The following NDST4 variants were observed in gnomAD, a reference collection of about 807,000 sequenced individuals.
NDST4 encodes the protein N-deacetylase and N-sulfotransferase 4.
NDST4 carries 63 observed loss-of-function variants against 100.8 expected under a neutral mutation model. The ratio of observed to expected loss-of-function variants is 0.62; its 90% CI spans 0.51 to 0.77. The LOEUF is 0.77. NDST4 is among the 30% of genes least tolerant of loss of function. The probability of loss-of-function intolerance (pLI) is 0.00; values close to 1 mark genes in which losing one functional copy is unlikely to be tolerated. For synonymous variants in NDST4, 377 were observed against 361.8 expected (o/e 1.04, Z -0.48); for missense variants, 943 against 1,018.4 (o/e 0.93, Z 1.01).
At chr4:114,958,623 C>T (rs1560830850) in intron 4 of NDST4, among the ~76,000 whole-genome samples, 2 of 152,256 alleles carry the variant, frequency 1.3e-5, no homozygotes, top group African/African-American at 2.4e-5. Flanking sequence ...AGCAGCAAGG[C>T]CCTGGTTCCA....
chr4:114,988,148 T>G (rs1196142280), intron 2 of NDST4, among the ~76,000 whole-genome samples: 3 of 151,972 alleles, frequency 2.0e-5, no homozygotes, highest in Admixed American at 6.6e-5. Flanking sequence ...ATTATAATTT[T>G]GATAAATATT....
intron 2 of NDST4, among the ~76,000 whole-genome samples, chr4:115,011,463 AT>A (rs569090018): frequency 0.061 from 8,753 of 144,098 alleles, 762 homozygotes; most frequent in African/African-American, 0.2. Flanking sequence ...AGGCATCACT[AT>A]TTTTTTTTTT....
At chr4:114,986,584 C>A (rs1726905964) in intron 2 of NDST4, among the ~76,000 whole-genome samples, 2 of 151,842 alleles carry the variant, frequency 1.3e-5, no homozygotes, top group African/African-American at 2.4e-5. Flanking sequence ...TATTTCAGTT[C>A]ATAAAGATCA....
chr4:115,004,209 C>A (rs1727362312), intron 2 of NDST4, among the ~76,000 whole-genome samples: 1 of 152,086 alleles, frequency 6.6e-6, no homozygotes, highest in African/African-American at 2.4e-5. Context: ...TCATTTGTAC[C>A]AACTTAATTT....
intron 6 of NDST4, among the ~76,000 whole-genome samples, chr4:114,911,066 A>G (rs1477187613): frequency 6.6e-6 from 1 of 152,222 alleles, no homozygotes; most frequent in Non-Finnish European, 1.5e-5. Flanking sequence ...ATCTGATTGA[A>G]TCAGATCCCT....
chr4:115,041,573 G>A (rs928825833), intron 2 of NDST4, among the ~76,000 whole-genome samples: 1 of 152,032 alleles, frequency 6.6e-6, no homozygotes, highest in African/African-American at 2.4e-5. Context: ...GATTACCTCT[G>A]AATGAAAGTG....
At chr4:114,923,731 T>C (rs887064176) in intron 6 of NDST4, among the ~76,000 whole-genome samples, 2 of 151,966 alleles carry the variant, frequency 1.3e-5, no homozygotes, top group Non-Finnish European at 1.5e-5. Context: ...CCAAAATATA[T>C]AGAGAAAAAA....
chr4:115,053,883 G>A (rs1728639159), intron 2 of NDST4, among the ~76,000 whole-genome samples: 1 of 152,010 alleles, frequency 6.6e-6, no homozygotes, highest in South Asian at 2.1e-4. Flanking sequence ...TACACTGAGT[G>A]TAAGAAATGT....
chr4:114,994,914 G>T (rs762892902), intron 2 of NDST4, among the ~76,000 whole-genome samples: 9 of 151,334 alleles, frequency 5.9e-5, no homozygotes, highest in Admixed American at 3.3e-4. Context: ...TTCTTAAGCA[G>T]CAGAAGAAAA....
intron 2 of NDST4, among the ~76,000 whole-genome samples, chr4:115,028,217 AG>A (rs1380686157): frequency 6.6e-6 from 1 of 152,130 alleles, no homozygotes; most frequent in Non-Finnish European, 1.5e-5. Flanking sequence ...GAAGTGATGG[AG>A]ACAATCAGAC....
chr4:115,057,061 C>A (rs1340903182), intron 2 of NDST4, among the ~76,000 whole-genome samples: 1 of 152,008 alleles, frequency 6.6e-6, no homozygotes, highest in Non-Finnish European at 1.5e-5. Context: ...TTACTTAAAA[C>A]AGGATGAATT....
chr4:114,975,252 C>A (rs1349675806), intron 3 of NDST4, among the ~76,000 whole-genome samples: 1 of 151,848 alleles, frequency 6.6e-6, no homozygotes, highest in African/African-American at 2.4e-5. Flanking sequence ...AATGATCCTA[C>A]AAATGAAGTA....
At chr4:115,000,697 A>C (rs1448920680) in intron 2 of NDST4, among the ~76,000 whole-genome samples, 1 of 152,094 alleles carries the variant, frequency 6.6e-6, no homozygotes. Flanking sequence ...AACTGTTGAA[A>C]ACCTTTCTGT....
At chr4:115,105,539 G>A (rs1444115657) in intron 1 of NDST4, among the ~76,000 whole-genome samples, 1 of 152,116 alleles carries the variant, frequency 6.6e-6, no homozygotes, top group African/African-American at 2.4e-5. Context: ...CCAACTGCTA[G>A]AGCTGGATTT....
At chr4:115,098,831 C>T (rs1391689591) in intron 1 of NDST4, among the ~76,000 whole-genome samples, 1 of 152,166 alleles carries the variant, frequency 6.6e-6, no homozygotes, top group African/African-American at 2.4e-5. Flanking sequence ...TTCTGCATAG[C>T]TAGGACCACA....
intron 6 of NDST4, among the ~76,000 whole-genome samples, chr4:114,919,930 G>T (rs1325146607): frequency 6.6e-6 from 1 of 152,084 alleles, no homozygotes; most frequent in Non-Finnish European, 1.5e-5. Flanking sequence ...ATATATAATA[G>T]AACCTACTAT....
chr4:115,074,833 A>T (rs377075719), intron 2 of NDST4, among the ~76,000 whole-genome samples: 4 of 152,158 alleles, frequency 2.6e-5, no homozygotes, highest in African/African-American at 9.6e-5. Flanking sequence ...CGTCGATAAC[A>T]TCTTAACACT....
intron 6 of NDST4, among the ~76,000 whole-genome samples, chr4:114,897,282 G>A (rs948996470): frequency 1.3e-5 from 2 of 151,980 alleles, no homozygotes; most frequent in Non-Finnish European, 2.9e-5. Flanking sequence ...TCTTTTTGCT[G>A]TCTCTATAGT....
chr4:115,097,353 C>T (rs1729640133), intron 1 of NDST4, among the ~76,000 whole-genome samples: 1 of 152,020 alleles, frequency 6.6e-6, no homozygotes. Context: ...TTCCTTTATC[C>T]TAAACTTATT....
Sources: gnomAD v4.1 joint callset for allele counts (sites outside exome capture counted in the v4.1 genomes callset) on GRCh38, gnomAD v4.1.1 for gene constraint, MANE v1.5 for transcripts, NCBI Gene and HGNC (gene_info 2026-07-23, HGNC 2026-07-21) for gene names.